GGTA1: variants seen among roughly 807,000 people sequenced by gnomAD.
The protein encoded by GGTA1 is glycoprotein alpha-galactosyltransferase 1 (inactive), also known as inactive N-acetyllactosaminide alpha-1,3-galactosyltransferase.
GGTA1 carries 5 observed loss-of-function variants against 2.6 expected under a neutral mutation model. The ratio of observed to expected loss-of-function variants is 1.92; its 90% CI spans 1.00 to 4.04. The LOEUF (loss-of-function observed/expected upper bound fraction) is 4.04. Among genes scored for constraint, GGTA1 ranks in the 30% most tolerant of loss-of-function variants. The pLI is 0.00. For synonymous variants in GGTA1, 17 were observed against 5.0 expected, an observed-to-expected ratio of 3.38 and a Z score of -3.19; for missense variants, 50 against 16.7, an observed-to-expected ratio of 2.99 and a Z score of -3.47.
At chr9:121,460,052 C>T (rs555033881) in intron 5 of GGTA1, 52 bp downstream of exon 5, 1 of 452,512 alleles carries the variant, frequency 2.2e-6, no homozygotes, top group African/African-American at 2.0e-5. Context: ...GCCACACCAC[C>T]CCCTGCAGGG....
chr9:121,490,139 G>A (rs935478574), intron 1 of GGTA1, among the ~76,000 whole-genome samples: 3 of 152,168 alleles, frequency 2.0e-5, no homozygotes, highest in African/African-American at 7.2e-5. Context: ...TTCCCTCGAG[G>A]ACATAACTGC....
At chr9:121,457,308 G>C (rs1012178575) in intron 5 of GGTA1, among the ~76,000 whole-genome samples, 13 of 152,320 alleles carry the variant, frequency 8.5e-5, no homozygotes, top group African/African-American at 2.9e-4. Context: ...ACAAGTCACA[G>C]CTCAAAGGCA....
At chr9:121,480,602 C>T (rs550344794) in intron 1 of GGTA1, among the ~76,000 whole-genome samples, 2 of 152,102 alleles carry the variant, frequency 1.3e-5, no homozygotes, top group Admixed American at 6.5e-5. Context: ...ACTGGCCCCC[C>T]GGTCGCTCAG....
intron 5 of GGTA1, among the ~76,000 whole-genome samples, chr9:121,459,533 T>C (rs969807959): frequency 7.9e-5 from 12 of 152,206 alleles, no homozygotes; most frequent in Non-Finnish European, 1.8e-4. Context: ...GCACATACCA[T>C]CTGCTAAGCT....
chr9:121,495,072 A>G (rs898311322), intron 1 of GGTA1, among the ~76,000 whole-genome samples: 1 of 151,726 alleles, frequency 6.6e-6, no homozygotes, highest in Non-Finnish European at 1.5e-5. Flanking sequence ...TTACAGGATT[A>G]CCACACCCAA....
exon 8 of GGTA1, chr9:121,447,000 C>A (rs2064855055): frequency 6.6e-6 from 1 of 152,290 alleles, no homozygotes; most frequent in Non-Finnish European, 1.5e-5. Flanking sequence ...ATAATCCCAG[C>A]AGTATTTTAG....
At chr9:121,460,591 T>A (rs2064952335) in intron 4 of GGTA1, among the ~76,000 whole-genome samples, 1 of 152,214 alleles carries the variant, frequency 6.6e-6, no homozygotes, top group Admixed American at 6.5e-5. Context: ...ATCACGCCTA[T>A]AATCTCAGCA....
chr9:121,497,262 T>C (rs769503867), intron 1 of GGTA1, among the ~76,000 whole-genome samples: 4 of 152,148 alleles, frequency 2.6e-5, no homozygotes, highest in Non-Finnish European at 5.9e-5. Context: ...AAAGAGTACA[T>C]TCATTTCAGA....
At chr9:121,493,115 C>G (rs557176487) in intron 1 of GGTA1, among the ~76,000 whole-genome samples, 1 of 150,382 alleles carries the variant, frequency 6.6e-6, no homozygotes, top group Non-Finnish European at 1.5e-5. Context: ...GCCTGGGTGA[C>G]GGAACGAGAC....
intron 1 of GGTA1, among the ~76,000 whole-genome samples, chr9:121,490,665 G>A (rs549354109): frequency 1.1e-4 from 16 of 152,338 alleles, no homozygotes; most frequent in South Asian, 2.1e-4. Flanking sequence ...CTAGAGCAAC[G>A]TTACTCACAG....
intron 1 of GGTA1, chr9:121,479,484 C>T: frequency 4.7e-6 from 1 of 212,018 alleles, no homozygotes; most frequent in Non-Finnish European, 9.6e-6. Context: ...AAATGTTCCT[C>T]TCTGGATCCA....
chr9:121,488,025 TAG>T (rs1248348702), intron 1 of GGTA1, among the ~76,000 whole-genome samples: 1 of 152,180 alleles, frequency 6.6e-6, no homozygotes, highest in African/African-American at 2.4e-5. Context: ...CTACCAGGTA[TAG>T]ACTTTTTATA....
intron 1 of GGTA1, among the ~76,000 whole-genome samples, chr9:121,486,788 C>T (rs1158791857): frequency 6.6e-6 from 1 of 152,214 alleles, no homozygotes; most frequent in East Asian, 1.9e-4. Flanking sequence ...TATAAAGTGG[C>T]TAGAATATGT....
chr9:121,496,630 G>A (rs1328298388), intron 1 of GGTA1, among the ~76,000 whole-genome samples: 27 of 91,948 alleles, frequency 2.9e-4, no homozygotes, highest in Admixed American at 1.3e-3. Context: ...TACTCAGGAG[G>A]CTGAGGCAGG....
At chr9:121,468,640 C>T (rs925556480) in intron 1 of GGTA1, among the ~76,000 whole-genome samples, 1 of 152,198 alleles carries the variant, frequency 6.6e-6, no homozygotes. Context: ...CCACCTAATT[C>T]TTTCTAAAAG....
intron 1 of GGTA1, among the ~76,000 whole-genome samples, chr9:121,472,017 A>G (rs1015504148): frequency 4.6e-5 from 7 of 152,220 alleles, no homozygotes; most frequent in Non-Finnish European, 1.5e-5. Flanking sequence ...ACTTTGACAA[A>G]TGAAGCTGGG....
downstream of GGTA1, among the ~76,000 whole-genome samples, chr9:121,451,396 A>G (rs2064877617): frequency 6.6e-6 from 1 of 152,188 alleles, no homozygotes; most frequent in Admixed American, 6.5e-5. Context: ...CGTGTTAGCT[A>G]GGATGGTCTC....
At chr9:121,464,116 C>G (rs1435628888) in intron 2 of GGTA1, among the ~76,000 whole-genome samples, 1 of 152,224 alleles carries the variant, frequency 6.6e-6, no homozygotes, top group African/African-American at 2.4e-5. Flanking sequence ...TTCAACAGCA[C>G]AATGGTCACA....
downstream of GGTA1, among the ~76,000 whole-genome samples, chr9:121,453,265 T>C (rs535041434): frequency 6.6e-6 from 1 of 152,286 alleles, no homozygotes; most frequent in South Asian, 2.1e-4. Flanking sequence ...AAGGACCTTC[T>C]CCTTAGACCA....
Sources: gnomAD v4.1 joint callset for allele counts (sites outside exome capture counted in the v4.1 genomes callset) on GRCh38, gnomAD v4.1.1 for gene constraint, MANE v1.5 for transcripts, NCBI Gene and HGNC (gene_info 2026-07-23, HGNC 2026-07-21) for gene names.